TTC28: variants seen among roughly 807,000 people sequenced by gnomAD.
TTC28 encodes tetratricopeptide repeat protein 28.
TTC28 carries 61 observed loss-of-function variants against 198.0 expected under a neutral mutation model. That is an observed-to-expected ratio of 0.31 (90% CI 0.25 to 0.38). TTC28 has a LOEUF of 0.38. Ranked by LOEUF, TTC28 falls within the 10% of genes least tolerant of loss-of-function variation. TTC28 has a pLI of 1.00. For synonymous variants in TTC28, 1,171 were observed against 1,297.8 expected (o/e 0.90, Z 2.10); for missense variants, 2,678 against 3,164.0 (o/e 0.85, Z 3.69).
intron 2 of TTC28, among the ~76,000 whole-genome samples, chr22:28,617,499 A>T (rs558795766): frequency 6.6e-6 from 1 of 152,108 alleles, no homozygotes; most frequent in Non-Finnish European, 1.5e-5. Context: ...TCTCAAGAAA[A>T]GAAATAAAGG....
At chr22:28,655,501 T>C (rs1024924409) in intron 1 of TTC28, among the ~76,000 whole-genome samples, 6 of 152,344 alleles carry the variant, frequency 3.9e-5, no homozygotes, top group African/African-American at 1.4e-4. Context: ...GTCTATAAAA[T>C]TCACGTTGTC....
chr22:28,609,464 C>T (rs1045310396), intron 2 of TTC28, among the ~76,000 whole-genome samples: 2 of 152,138 alleles, frequency 1.3e-5, no homozygotes, highest in Admixed American at 6.5e-5. Context: ...TCGCCTTACC[C>T]GGGAAGCACA....
At chr22:28,364,899 A>G (rs940234406) in intron 2 of TTC28, among the ~76,000 whole-genome samples, 13 of 152,230 alleles carry the variant, frequency 8.5e-5, no homozygotes, top group Admixed American at 6.5e-4. Flanking sequence ...ACAATTAAGG[A>G]TTTAGAATAT....
chr22:28,070,253 A>T (rs745869255), intron 12 of TTC28, among the ~76,000 whole-genome samples: 88 of 152,294 alleles, frequency 5.8e-4, no homozygotes, highest in Non-Finnish European at 1.1e-3. Context: ...TCTGCCCTCA[A>T]TGGGCCTCCA....
At position 28,105,356 on chromosome 22, in the gene TTC28, G is replaced by A. The variant is rs185543740; in HGVS notation, c.3230C>T (p.Thr1077Met). 4.2e-4 allele frequency: 652 copies of A among 1,551,650 alleles called. 1 individual carries two copies. The highest frequency in any genetic ancestry group is 1.8e-3 in the Middle Eastern group (11 of 5,992). Reference protein sequence around the residue: ...AAQMNDLAAKTVSYSSLGRTH... With the variant: ...AAQMNDLAAKMVSYSSLGRTH... ...CCTTCCAAGGCTACTATATGACACC[G>A]TCTTGGCCGCCAAGTCATTCATCTG... The change falls in exon 8 of 23, where the codon ACG becomes ATG. Residue 1077 changes from threonine (T) to methionine (M), a missense_variant. Transcript: ENST00000397906.
intron 5 of TTC28, among the ~76,000 whole-genome samples, chr22:28,255,976 T>A (rs1006176638): frequency 6.6e-6 from 1 of 152,202 alleles, no homozygotes; most frequent in East Asian, 1.9e-4. Flanking sequence ...TTAATATGAC[T>A]ACATATATTT....
intron 13 of TTC28, among the ~76,000 whole-genome samples, chr22:28,029,558 G>T (rs1382306052): frequency 6.6e-6 from 1 of 152,232 alleles, no homozygotes; most frequent in East Asian, 1.9e-4. Flanking sequence ...CCAAACAACA[G>T]TGGGACAGGT....
At chr22:28,088,940 A>T (rs952876841) in intron 12 of TTC28, among the ~76,000 whole-genome samples, 13 of 152,354 alleles carry the variant, frequency 8.5e-5, no homozygotes, top group African/African-American at 2.6e-4. Context: ...CCATCAGAGA[A>T]ATGCAAATCA....
rs532555831 is a variant in TTC28 at position 28,430,657 on chromosome 22, T to A, written c.382-124014A>T. The stretch of plus-strand genomic sequence containing the variant: ...ATGTAAACAGCTGCTGTAGTATTTA[T>A]AAAAATCCTTGCAGAGCCAAATAAA... On this transcript the variant is annotated intron_variant, in intron 2 of 22. Transcript: ENST00000397906. Among the ~76,000 whole-genome samples, 15 of 152,326 alleles carry A rather than the reference T, an allele frequency of 9.8e-5. No individual in the cohort carries two copies. The East Asian group carries it at 2.7e-3, about 27-fold the overall frequency.
chr22:28,530,955 T>C (rs768706313), intron 2 of TTC28, among the ~76,000 whole-genome samples: 42 of 152,128 alleles, frequency 2.8e-4, no homozygotes, highest in Non-Finnish European at 5.3e-4. Flanking sequence ...TGCAAAAACA[T>C]GCCAAACTGT....
intron 6 of TTC28, among the ~76,000 whole-genome samples, chr22:28,129,151 A>C (rs1942994977): frequency 6.6e-6 from 1 of 152,208 alleles, no homozygotes. Context: ...GCAATCTCAA[A>C]GTTTACCCAT....
In TTC28 at chr22:27,985,374, A is replaced by G; in HGVS notation, c.5708-18T>C. The G allele has an allele frequency of 2.0e-6, 3 of 1,533,022 alleles. No individual in the cohort carries two copies. The highest frequency in any genetic ancestry group is 3.4e-4 in the Middle Eastern group (2 of 5,956). The allele number at this position is 1,533,022 out of a possible 1,614,324, so 95.0% of individuals were successfully genotyped here. A position where few individuals can be genotyped will look rare whatever the true frequency, so the allele number is the denominator to read the frequency against. Reference sequence around the variant, plus strand: ...ATCAAAACCTAGAGGAACAAAGAATATAAGCATCTGCTTCCTTCGGGAAGA... The same window carrying G: ...ATCAAAACCTAGAGGAACAAAGAATGTAAGCATCTGCTTCCTTCGGGAAGA... On this transcript the variant is annotated intron_variant, in intron 21 of 22. Transcript: ENST00000397906.
chr22:28,076,519 A>G (rs1347451153), intron 12 of TTC28, among the ~76,000 whole-genome samples: 1 of 152,178 alleles, frequency 6.6e-6, no homozygotes, highest in East Asian at 1.9e-4. Flanking sequence ...TTAATCATAC[A>G]TAATCTTTGG....
intron 2 of TTC28, among the ~76,000 whole-genome samples, chr22:28,388,627 C>T (rs2046658377): frequency 6.6e-6 from 1 of 152,172 alleles, no homozygotes; most frequent in African/African-American, 2.4e-5. Flanking sequence ...GGAGTTCACT[C>T]ATGATTTGGC....
intron 5 of TTC28, among the ~76,000 whole-genome samples, chr22:28,259,502 T>C (rs1224850473): frequency 6.6e-6 from 1 of 151,946 alleles, no homozygotes; most frequent in East Asian, 1.9e-4. Context: ...CCAGAAATGC[T>C]CGGGTATGTT....
chr22:27,980,135 G>T lies in TTC28; in HGVS notation c.*2086C>A, dbSNP rs546433745. 2 of 152,330 alleles carry T rather than the reference G, an allele frequency of 1.3e-5. No homozygotes were observed. The highest frequency in any genetic ancestry group is 3.9e-4 in the East Asian group (2 of 5,186). 9.4% of individuals were successfully genotyped at this position (152,330 alleles called of 1,614,324 possible). ...TCCTTGGCACTTGGGAAAGAAGGAG[G>T]CTGAGAGATTTGCTAAGAGAGGGAC... On this transcript the variant is annotated 3_prime_UTR_variant, in exon 23 of 23. Coordinates refer to ENST00000397906, the MANE Select transcript of TTC28 (RefSeq NM_001145418.2).
At chr22:28,507,658 G>C (rs1203862960) in intron 2 of TTC28, among the ~76,000 whole-genome samples, 1 of 152,150 alleles carries the variant, frequency 6.6e-6, no homozygotes, top group Non-Finnish European at 1.5e-5. Context: ...CAGCTAAAGA[G>C]AAAGGCCAGG....
intron 12 of TTC28, among the ~76,000 whole-genome samples, 184 bp downstream of exon 12, chr22:28,093,893 AGAC>A (rs1941891221): frequency 6.6e-6 from 1 of 152,250 alleles, no homozygotes; most frequent in African/African-American, 2.4e-5. Flanking sequence ...AAAAGAATAA[AGAC>A]AGACCACTAA....
chr22:28,125,722 C>T (rs1379957427), intron 6 of TTC28, among the ~76,000 whole-genome samples: 1 of 152,144 alleles, frequency 6.6e-6, no homozygotes, highest in Non-Finnish European at 1.5e-5. Context: ...ATTAATAAGA[C>T]AAGCCAACTG....
Sources: allele counts gnomAD v4.1 joint callset (sites outside exome capture counted in the v4.1 genomes callset), GRCh38; gene constraint gnomAD v4.1.1; transcripts MANE v1.5; gene names NCBI Gene and HGNC (gene_info 2026-07-23, HGNC 2026-07-21).